The following CNIH3 variants were observed in gnomAD, a reference collection of about 807,000 sequenced individuals.
The protein encoded by CNIH3 is protein cornichon homolog 3.
CNIH3 carries 14 observed loss-of-function variants against 24.1 expected under a neutral mutation model. That is an observed-to-expected ratio of 0.58 (90% CI 0.38 to 0.91). CNIH3 has a LOEUF of 0.91. Among genes scored for constraint, CNIH3 ranks in the 40% least tolerant of loss-of-function variants. CNIH3 has a pLI of 0.00. For missense variants in CNIH3, 178 were observed against 196.8 expected (o/e 0.90, Z 0.57); for synonymous variants, 68 against 73.8 (o/e 0.92, Z 0.40).
At chr1:224,688,763 A>C (rs1185206363) in intron 3 of CNIH3, among the ~76,000 whole-genome samples, 1 of 151,918 alleles carries the variant, frequency 6.6e-6, no homozygotes, top group Non-Finnish European at 1.5e-5. Context: ...CAACATGGTG[A>C]AACCCCCACA....
intron 5 of CNIH3, among the ~76,000 whole-genome samples, chr1:224,587,721 T>C (rs1681569730): frequency 6.6e-6 from 1 of 152,068 alleles, no homozygotes; most frequent in African/African-American, 2.4e-5. Context: ...GGAGGATCCC[T>C]TGAGCCCAGG....
chr1:224,671,783 C>T (rs1215032580), intron 1 of CNIH3, among the ~76,000 whole-genome samples: 1 of 152,132 alleles, frequency 6.6e-6, no homozygotes, highest in Non-Finnish European at 1.5e-5. Flanking sequence ...TTTTCTAGAC[C>T]ACTTGGTGAT....
intron 1 of CNIH3, among the ~76,000 whole-genome samples, chr1:224,476,973 G>C (rs1180130695): frequency 6.6e-6 from 1 of 152,142 alleles, no homozygotes; most frequent in Non-Finnish European, 1.5e-5. Context: ...GCAGTTACAG[G>C]CCTCACCCTG....
chr1:224,461,060 T>G (rs1159694373), intron 1 of CNIH3, among the ~76,000 whole-genome samples: 1 of 151,668 alleles, frequency 6.6e-6, no homozygotes, highest in Non-Finnish European at 1.5e-5. Context: ...TGGAGTGCAG[T>G]GGGGCGAGCT....
intron 1 of CNIH3, among the ~76,000 whole-genome samples, chr1:224,633,157 GA>G (rs1397548091): frequency 1.3e-5 from 2 of 151,888 alleles, no homozygotes; most frequent in Non-Finnish European, 2.9e-5. Flanking sequence ...TATCAGTTAA[GA>G]TTTTTTTTTC....
In CNIH3 at chr1:224,684,167, A is replaced by G. The variant is rs1462907790; in HGVS notation, c.151-629A>G. On this transcript the variant is annotated intron_variant, in intron 2 of 5. Coordinates refer to ENST00000272133, the MANE Select transcript of CNIH3 (RefSeq NM_152495.2). This position sits in a 1 kb window ranked among gnomAD's most constrained non-coding sequence, Gnocchi z 4.2. ...ACGGCATTTAGTGCACGATGCGGGC[A>G]TCATCACCTGCCCAGCCACGGGCCA... Among the ~76,000 whole-genome samples the G allele has an allele frequency of 6.6e-6, 1 of 152,246 alleles. No homozygotes were observed. Among genetic ancestry groups the G allele is most frequent in the Non-Finnish European group, 1.5e-5 (1 of 68,046 alleles).
At chr1:224,736,020 T>C (rs1202807646) in intron 5 of CNIH3, among the ~76,000 whole-genome samples, 1 of 152,176 alleles carries the variant, frequency 6.6e-6, no homozygotes, top group Non-Finnish European at 1.5e-5. Flanking sequence ...CACTCACATA[T>C]GAAAAATGAA....
intron 1 of CNIH3, among the ~76,000 whole-genome samples, chr1:224,472,108 T>A (rs1303931180): frequency 6.6e-6 from 1 of 152,170 alleles, no homozygotes; most frequent in African/African-American, 2.4e-5. Flanking sequence ...GTCTGGATCA[T>A]ATGATAGCTC....
intron 1 of CNIH3, among the ~76,000 whole-genome samples, chr1:224,657,008 A>G (rs529246064): frequency 5.3e-4 from 81 of 152,276 alleles, no homozygotes; most frequent in Middle Eastern, 6.8e-3. Flanking sequence ...CTTGGCTACA[A>G]GTGGATCCAT....
intron 1 of CNIH3, among the ~76,000 whole-genome samples, chr1:224,518,026 C>T (rs1364570264): frequency 5.3e-5 from 8 of 152,028 alleles, no homozygotes; most frequent in East Asian, 1.9e-4. Flanking sequence ...GCTTATGGTT[C>T]GCTACTGGAA....
At chr1:224,501,927 T>G (rs1677691419) in intron 1 of CNIH3, among the ~76,000 whole-genome samples, 1 of 152,072 alleles carries the variant, frequency 6.6e-6, no homozygotes, top group Admixed American at 6.6e-5. Flanking sequence ...GGGTCCCTGT[T>G]GGAGATGATT....
rs147023175 is a variant in CNIH3 at position 224,583,936 on chromosome 1, A to G, written n.620+669A>G. 1.5e-4 allele frequency among the ~76,000 whole-genome samples: 23 copies of G among 152,310 alleles called. No homozygotes were observed. In the East Asian group the frequency reaches 4.0e-3, roughly 27 times the overall value. ...TGATATTAGACCAGTCGCTGCTCCA[A>G]TGTATGTGATGTTCTGGACCATACC... On this transcript the variant is annotated intron_variant and non_coding_transcript_variant, in intron 5 of 5. Coordinates refer to the CNIH3 transcript ENST00000471578.
At chr1:224,729,426 A>AG (rs1293705747) in intron 3 of CNIH3, among the ~76,000 whole-genome samples, 1 of 150,740 alleles carries the variant, frequency 6.6e-6, no homozygotes, top group African/African-American at 2.4e-5. Flanking sequence ...AAAAAAAAAA[A>AG]AAAAAAAAAG....
intron 1 of CNIH3, among the ~76,000 whole-genome samples, chr1:224,506,269 ACGCGCGCGCG>A (rs760624445): frequency 9.9e-5 from 13 of 130,754 alleles, no homozygotes; most frequent in African/African-American, 3.6e-4. Context: ...ATGCACGCAC[ACGCGCGCGCG>A]CGCGCGCGCA....
chr1:224,602,635 A>C lies in CNIH3; in HGVS notation n.402+36371A>C, dbSNP rs1025275412. Among the ~76,000 whole-genome samples, 5 of 152,366 alleles carry C rather than the reference A, an allele frequency of 3.3e-5. 1 individual carries two copies. In the South Asian group the frequency reaches 1.0e-3, roughly 32 times the overall value. ...GATTTATAAGAGAAAACCAAATAGAAGTGTATTAACATGTATATTTCATAT... is the reference window on the plus strand; with the variant it reads ...GATTTATAAGAGAAAACCAAATAGACGTGTATTAACATGTATATTTCATAT... On this transcript the variant is annotated intron_variant and non_coding_transcript_variant, in intron 3 of 7. Transcript: ENST00000478120.
chr1:224,696,125 G>A (rs1558304038), intron 3 of CNIH3, among the ~76,000 whole-genome samples: 1 of 152,056 alleles, frequency 6.6e-6, no homozygotes, highest in African/African-American at 2.4e-5. Context: ...GGTGGGACTC[G>A]GCCTCACAAA....
chr1:224,732,616 C>T (rs950622230), intron 4 of CNIH3, among the ~76,000 whole-genome samples: 2 of 152,162 alleles, frequency 1.3e-5, no homozygotes, highest in Admixed American at 1.3e-4. Flanking sequence ...GTCCCTGCCA[C>T]CTGACACACT....
At chr1:224,537,024 T>C (rs1263763738), downstream of CNIH3, 1 of 152,176 alleles carries the variant, frequency 6.6e-6, no homozygotes, top group Non-Finnish European at 1.5e-5. Context: ...CCCAAAATCC[T>C]ACACCAAAGA....
upstream of CNIH3, among the ~76,000 whole-genome samples, chr1:224,513,371 G>GC (rs1168233812): frequency 7.2e-6 from 1 of 139,000 alleles, no homozygotes; most frequent in Admixed American, 7.1e-5. Flanking sequence ...GGAGGGGGGG[G>GC]GTCTCTCTAT....
Sources: allele counts gnomAD v4.1 joint callset (sites outside exome capture counted in the v4.1 genomes callset), GRCh38; gene constraint gnomAD v4.1.1; non-coding constraint Gnocchi (gnomAD v3.1); transcripts MANE v1.5; gene names NCBI Gene and HGNC (gene_info 2026-07-23, HGNC 2026-07-21).